Variants in AP1S3 observed in about 807,000 individuals in gnomAD.
AP1S3 encodes the protein adaptor related protein complex 1 subunit sigma 3, also known as AP-1 complex subunit sigma-3.
A neutral mutation model predicts 20.9 loss-of-function variants in AP1S3; 10 were observed. The observed-to-expected ratio is 0.48, with a 90% CI of 0.29 to 0.81. The LOEUF (loss-of-function observed/expected upper bound fraction) is 0.81. AP1S3 is among the 30% of genes least tolerant of loss of function. The pLI is 0.08. For missense variants in AP1S3, 154 were observed against 183.8 expected (o/e 0.84, Z 0.94); for synonymous variants, 41 against 61.5 (o/e 0.67, Z 1.56).
intron 1 of AP1S3, among the ~76,000 whole-genome samples, chr2:223,800,213 TA>T (rs59645201): frequency 0.45 from 59,346 of 132,702 alleles, 11,823 homozygotes; most frequent in Middle Eastern, 0.53. Context: ...AGATTGCGTC[TA>T]AAAAAAAAAA....
chr2:223,793,163 G>A (rs542370665), intron 1 of AP1S3, among the ~76,000 whole-genome samples: 127 of 152,268 alleles, frequency 8.3e-4, no homozygotes, highest in African/African-American at 2.7e-3. Flanking sequence ...AGACAGTGTC[G>A]CAATCCCTCA....
intron 1 of AP1S3, among the ~76,000 whole-genome samples, chr2:223,834,521 T>C (rs1029175508): frequency 6.6e-6 from 1 of 152,006 alleles, no homozygotes; most frequent in Non-Finnish European, 1.5e-5. Context: ...GTCCACTGGG[T>C]TGAGGCTGCA....
At chr2:223,805,284 G>GA (rs1691553393) in intron 1 of AP1S3, among the ~76,000 whole-genome samples, 2 of 152,140 alleles carry the variant, frequency 1.3e-5, no homozygotes, top group East Asian at 3.9e-4. Context: ...ACTAAAAAAA[G>GA]AAACAAAAAT....
intron 1 of AP1S3, among the ~76,000 whole-genome samples, chr2:223,814,712 GA>G (rs1691805890): frequency 6.6e-6 from 1 of 152,178 alleles, no homozygotes; most frequent in Non-Finnish European, 1.5e-5. Flanking sequence ...TAAAAAATAT[GA>G]CAGGCGTTCT....
At chr2:223,830,551 C>G (rs1361394916) in intron 1 of AP1S3, among the ~76,000 whole-genome samples, 5 of 152,024 alleles carry the variant, frequency 3.3e-5, no homozygotes, top group African/African-American at 1.2e-4. Flanking sequence ...CTTGACAACC[C>G]CTGTCTACAA....
chr2:223,756,426 A>AG lies in AP1S3; in HGVS notation c.*2288_*2289insC. 7 of 660,954 alleles carry AG rather than the reference A, an allele frequency of 1.1e-5. No individual in the cohort carries two copies. Among genetic ancestry groups the AG allele is most frequent in the East Asian group, 1.6e-4 (1 of 6,134 alleles). The allele number at this position is 660,954 out of a possible 1,614,324, so 40.9% of individuals were successfully genotyped here. A position where few individuals can be genotyped will look rare whatever the true frequency, so the allele number is the denominator to read the frequency against. On this transcript the variant is annotated 3_prime_UTR_variant, in exon 5 of 5. Transcript: ENST00000396654. Reference sequence around the variant, plus strand: ...GGAAGGGAGGGAAGGAGAGAGAGAGAAGAAGGAAGGAAGAAAGGAAGGAAA... The same window carrying AG: ...GGAAGGGAGGGAAGGAGAGAGAGAGAGAGAAGGAAGGAAGAAAGGAAGGAAA...
chr2:223,801,336 G>A (rs891126354), intron 1 of AP1S3, among the ~76,000 whole-genome samples: 7 of 152,186 alleles, frequency 4.6e-5, no homozygotes, highest in Admixed American at 1.3e-4. Flanking sequence ...TCTCTTAACA[G>A]CAATGCAACA....
intron 1 of AP1S3, among the ~76,000 whole-genome samples, chr2:223,829,104 G>C (rs760291941): frequency 6.6e-6 from 1 of 152,158 alleles, no homozygotes; most frequent in Non-Finnish European, 1.5e-5. Context: ...AAAGTGCTGG[G>C]ATTACAGGCA....
intron 4 of AP1S3, among the ~76,000 whole-genome samples, chr2:223,759,349 T>A (rs1003896018): frequency 2.0e-5 from 3 of 151,986 alleles, no homozygotes; most frequent in African/African-American, 7.3e-5. Flanking sequence ...GATATCACTG[T>A]TGACTTAAGA....
chr2:223,819,064 C>A (rs1691923758), intron 1 of AP1S3, among the ~76,000 whole-genome samples: 2 of 152,170 alleles, frequency 1.3e-5, no homozygotes, highest in South Asian at 4.1e-4. Context: ...GGGCCTTTTT[C>A]TACACTTATA....
intron 3 of AP1S3, among the ~76,000 whole-genome samples, chr2:223,771,935 C>A (rs1199737051): frequency 1.3e-5 from 2 of 152,048 alleles, no homozygotes; most frequent in African/African-American, 4.8e-5. Context: ...GGCAAAAACC[C>A]ATCTCTACCA....
At chr2:223,835,802 C>G (rs1351833881) in intron 1 of AP1S3, among the ~76,000 whole-genome samples, 2 of 152,162 alleles carry the variant, frequency 1.3e-5, no homozygotes, top group African/African-American at 4.8e-5. Context: ...TCCAGAGGAG[C>G]AGCTTTTCCT....
chr2:223,813,805 C>T (rs1301700769), intron 1 of AP1S3, among the ~76,000 whole-genome samples: 1 of 152,180 alleles, frequency 6.6e-6, no homozygotes, highest in African/African-American at 2.4e-5. Flanking sequence ...CTCACATCCA[C>T]AAAGGGTCCC....
At chr2:223,783,917 G>C (rs1691015269) in intron 1 of AP1S3, among the ~76,000 whole-genome samples, 1 of 152,136 alleles carries the variant, frequency 6.6e-6, no homozygotes, top group Non-Finnish European at 1.5e-5. Context: ...AGCAATCTGT[G>C]CTCTAACACA....
rs1046971678 is a variant in AP1S3 at position 223,777,576 on chromosome 2, C to A, written c.182+115G>T. 19 of 932,936 alleles carry A rather than the reference C, an allele frequency of 2.0e-5. No homozygotes were observed. The South Asian group carries it at 3.7e-4, about 18-fold the overall frequency. The allele number at this position is 932,936 out of a possible 1,614,324, so 57.8% of individuals were successfully genotyped here. A position where few individuals can be genotyped will look rare whatever the true frequency, so the allele number is the denominator to read the frequency against. ...GTCTATTGGTACAAATATCTGGGCC[C>A]CAGCCTTCAAAGATTTCAGTAAATG... is the stretch of plus-strand genomic sequence containing the variant. On this transcript the variant is annotated intron_variant, in intron 2 of 4. Coordinates refer to ENST00000396654, the MANE Select transcript of AP1S3 (RefSeq NM_001039569.2).
At chr2:223,813,154 C>T (rs1032944485) in intron 1 of AP1S3, among the ~76,000 whole-genome samples, 3 of 151,996 alleles carry the variant, frequency 2.0e-5, no homozygotes, top group Non-Finnish European at 2.9e-5. Flanking sequence ...GCCATGTTGG[C>T]CAGGCTGGTC....
intron 1 of AP1S3, among the ~76,000 whole-genome samples, chr2:223,828,052 T>G (rs1192473856): frequency 1.3e-5 from 1 of 79,956 alleles, no homozygotes; most frequent in African/African-American, 5.4e-5. Context: ...AGAGCAAGAC[T>G]TCATCTAAAA....
At chr2:223,793,584 T>A (rs1691259051) in intron 1 of AP1S3, among the ~76,000 whole-genome samples, 2 of 151,776 alleles carry the variant, frequency 1.3e-5, no homozygotes. Flanking sequence ...AGGGAGAGCA[T>A]CAGGAAGAAT....
At chr2:223,826,261 C>A (rs963042105) in intron 1 of AP1S3, among the ~76,000 whole-genome samples, 4 of 152,174 alleles carry the variant, frequency 2.6e-5, no homozygotes, top group East Asian at 3.9e-4. Flanking sequence ...GGCAGAAATT[C>A]CAGGAAATTT....
Sources: gnomAD v4.1 joint callset for allele counts (sites outside exome capture counted in the v4.1 genomes callset) on GRCh38, gnomAD v4.1.1 for gene constraint, MANE v1.5 for transcripts, NCBI Gene and HGNC (gene_info 2026-07-23, HGNC 2026-07-21) for gene names.